DPYD: variants seen among roughly 807,000 people sequenced by gnomAD.
The protein encoded by DPYD is dihydropyrimidine dehydrogenase.
A neutral mutation model predicts 116.2 loss-of-function variants in DPYD; 109 were observed. That is an observed-to-expected ratio of 0.94 (90% CI 0.80 to 1.10). The LOEUF (loss-of-function observed/expected upper bound fraction) is 1.10. DPYD is among the 50% of genes least tolerant of loss of function. The pLI is 0.00. For synonymous variants in DPYD, 440 were observed against 432.0 expected (o/e 1.02, Z -0.23); for missense variants, 1,302 against 1,254.5 (o/e 1.04, Z -0.57).
At chr1:97,129,310 C>T (rs540077879) in intron 20 of DPYD, among the ~76,000 whole-genome samples, 1 of 152,248 alleles carries the variant, frequency 6.6e-6, no homozygotes, top group Non-Finnish European at 1.5e-5. Flanking sequence ...AGGTGATCCT[C>T]CTGCCTTGGC....
intron 12 of DPYD, chr1:97,546,857 A>G: frequency 6.2e-7 from 1 of 1,610,904 alleles, no homozygotes; most frequent in South Asian, 1.1e-5. Flanking sequence ...CCAGAAAATC[A>G]CCCACAGTGG....
intron 12 of DPYD, among the ~76,000 whole-genome samples, chr1:97,521,209 C>G (rs1648634945): frequency 6.6e-6 from 1 of 152,180 alleles, no homozygotes; most frequent in African/African-American, 2.4e-5. Context: ...TTTTGATTTG[C>G]ATTTCTCTAA....
chr1:97,495,064 T>C (rs1330043870), intron 13 of DPYD, among the ~76,000 whole-genome samples: 1 of 152,146 alleles, frequency 6.6e-6, no homozygotes, highest in East Asian at 1.9e-4. Flanking sequence ...TCATGTGAAG[T>C]CTGAGAAATT....
chr1:97,531,455 G>A (rs1378446308), intron 12 of DPYD, among the ~76,000 whole-genome samples: 6 of 152,116 alleles, frequency 3.9e-5, no homozygotes, highest in Non-Finnish European at 8.8e-5. Flanking sequence ...ACATGACATG[G>A]CTGTAGGATA....
intron 6 of DPYD, among the ~76,000 whole-genome samples, chr1:97,694,181 C>T (rs549385391): frequency 1.3e-5 from 2 of 152,148 alleles, no homozygotes; most frequent in Non-Finnish European, 2.9e-5. Flanking sequence ...GTGAGAGAAT[C>T]CATTTCCCAG....
At chr1:97,687,392 A>C (rs1660794121) in intron 7 of DPYD, among the ~76,000 whole-genome samples, 1 of 152,192 alleles carries the variant, frequency 6.6e-6, no homozygotes, top group South Asian at 2.1e-4. Context: ...AAAATCATTC[A>C]ATCATTGGAG....
chr1:97,723,152 C>T (rs1022860193), intron 4 of DPYD, among the ~76,000 whole-genome samples: 1 of 151,512 alleles, frequency 6.6e-6, no homozygotes, highest in Non-Finnish European at 1.5e-5. Flanking sequence ...TCACAGCATT[C>T]GTGGTGGTTT....
At chr1:97,535,244 A>G (rs1649909633) in intron 12 of DPYD, among the ~76,000 whole-genome samples, 1 of 152,140 alleles carries the variant, frequency 6.6e-6, no homozygotes, top group African/African-American at 2.4e-5. Context: ...GAAGAACACA[A>G]TTCTGGTCAA....
chr1:97,302,328 T>C (rs932974319), intron 18 of DPYD, among the ~76,000 whole-genome samples: 2 of 152,020 alleles, frequency 1.3e-5, no homozygotes, highest in African/African-American at 4.8e-5. Flanking sequence ...TTTCCTTTTA[T>C]ACTGTTCTCA....
chr1:97,767,755 C>CATTTTTTTT (rs1553236054), intron 3 of DPYD, among the ~76,000 whole-genome samples: 1 of 112,486 alleles, frequency 8.9e-6, no homozygotes. Context: ...TTGGGGCTGG[C>CATTTTTTTT]TTTTTTTTTT....
chr1:97,207,071 C>T (rs1659691731), intron 19 of DPYD, among the ~76,000 whole-genome samples: 1 of 152,012 alleles, frequency 6.6e-6, no homozygotes, highest in South Asian at 2.1e-4. Context: ...TACCATTGTA[C>T]ACCCAGTACT....
At chr1:97,325,188 C>T (rs141440619) in intron 16 of DPYD, among the ~76,000 whole-genome samples, 101 of 152,024 alleles carry the variant, frequency 6.6e-4, no homozygotes, top group Non-Finnish European at 1.1e-3. Flanking sequence ...TAAAACTTTG[C>T]GCTTTTTTTC....
intron 3 of DPYD, among the ~76,000 whole-genome samples, chr1:97,798,627 G>C (rs1667701795): frequency 6.6e-6 from 1 of 151,418 alleles, no homozygotes; most frequent in African/African-American, 2.4e-5. Context: ...GTACAATATG[G>C]GCATAATAAT....
chr1:97,260,619 G>T (rs866747472), intron 18 of DPYD, among the ~76,000 whole-genome samples: 3 of 152,062 alleles, frequency 2.0e-5, no homozygotes, highest in South Asian at 4.1e-4. Context: ...TGAAATAGTT[G>T]CATGGATAAA....
intron 2 of DPYD, among the ~76,000 whole-genome samples, chr1:97,864,742 C>T (rs1246600343): frequency 6.6e-6 from 1 of 151,760 alleles, no homozygotes; most frequent in Non-Finnish European, 1.5e-5. Flanking sequence ...GGTAAGGAAA[C>T]ACATGGAAAT....
chr1:97,566,790 TATAAG>T (rs779890342), intron 11 of DPYD, among the ~76,000 whole-genome samples: 3 of 152,172 alleles, frequency 2.0e-5, no homozygotes, highest in Non-Finnish European at 4.4e-5. Flanking sequence ...CAGTAGCTTC[TATAAG>T]ATATGTTTTG....
At chr1:97,540,357 G>C (rs762247846) in intron 12 of DPYD, among the ~76,000 whole-genome samples, 1 of 144,364 alleles carries the variant, frequency 6.9e-6, no homozygotes, top group Non-Finnish European at 1.5e-5. Flanking sequence ...CGGCGGGGCA[G>C]GGAACAAAAC....
intron 5 of DPYD, among the ~76,000 whole-genome samples, chr1:97,702,768 C>T (rs1314718315): frequency 6.6e-6 from 1 of 151,688 alleles, no homozygotes; most frequent in Admixed American, 6.6e-5. Flanking sequence ...GTAGCAATTA[C>T]CAAATAATAC....
At chr1:97,815,231 GT>G (rs1422338105) in intron 3 of DPYD, among the ~76,000 whole-genome samples, 2 of 152,120 alleles carry the variant, frequency 1.3e-5, no homozygotes, top group Non-Finnish European at 2.9e-5. Flanking sequence ...TAAAGCTGAA[GT>G]TTTTTTAGGG....
Sources: gnomAD v4.1 joint callset for allele counts (sites outside exome capture counted in the v4.1 genomes callset) on GRCh38, gnomAD v4.1.1 for gene constraint, MANE v1.5 for transcripts, NCBI Gene and HGNC (gene_info 2026-07-23, HGNC 2026-07-21) for gene names.